The following HTN1 variants were observed in gnomAD, a reference collection of about 807,000 sequenced individuals.
HTN1 encodes histatin 1.
HTN1 carries 18 observed loss-of-function variants against 11.2 expected under a neutral mutation model. That is an observed-to-expected ratio of 1.61 (90% CI 1.12 to 2.39). HTN1 has a LOEUF of 2.39. HTN1 is among the 30% of genes most tolerant of loss of function. The probability of loss-of-function intolerance (pLI) is 0.00; values close to 1 mark genes in which losing one functional copy is unlikely to be tolerated. For synonymous variants in HTN1, 21 were observed against 20.5 expected, an observed-to-expected ratio of 1.02 and a Z score of -0.07; for missense variants, 80 against 67.2, an observed-to-expected ratio of 1.19 and a Z score of -0.67.
chr4:70,051,480 A>G (rs979532907), intron 1 of HTN1, among the ~76,000 whole-genome samples: 1 of 152,110 alleles, frequency 6.6e-6, no homozygotes, highest in African/African-American at 2.4e-5. Flanking sequence ...ATGTTCGTTT[A>G]TCTATCAGTT....
At chr4:70,051,614 T>C (rs1207394623) in intron 1 of HTN1, among the ~76,000 whole-genome samples, 1 of 152,100 alleles carries the variant, frequency 6.6e-6, no homozygotes, top group Non-Finnish European at 1.5e-5. Flanking sequence ...AGAGTTGTAG[T>C]AGGATTTATA....
intron 2 of HTN1, 80 bp from the exon 3 acceptor site, chr4:70,054,242 T>G: frequency 1.1e-6 from 1 of 879,250 alleles, no homozygotes; most frequent in Middle Eastern, 3.4e-4. Context: ...ATCATATATG[T>G]GGCTAAGTCA....
intron 5 of HTN1, chr4:70,058,133 G>T (rs1726089439): frequency 6.6e-6 from 1 of 152,118 alleles, no homozygotes; most frequent in African/African-American, 2.4e-5. Context: ...TTCAAAAGGT[G>T]TCAAATATTT....
At chr4:70,057,824 A>G (rs1164445107) in intron 5 of HTN1, 2 of 152,130 alleles carry the variant, frequency 1.3e-5, no homozygotes, top group Non-Finnish European at 2.9e-5. Context: ...CTAAAATGAA[A>G]TCTTTGAAGA....
chr4:70,053,116 A>G lies in HTN1; in HGVS notation c.40A>G (p.Ile14Val), dbSNP rs1725940613. The change falls in exon 2 of 6, where the codon ATT becomes GTT. Residue 14 changes from isoleucine to valine, a missense_variant. Transcript: ENST00000246896. ...FVFALVLALM[I>V]SMISADSHEK... is the part of the protein sequence containing the mutation. ...CTTTGCTTTAGTCTTGGCTCTCATG[A>G]TTTCCATGATTGTAAGTATATCTGG... 1 of 1,605,034 alleles carries G rather than the reference A, an allele frequency of 6.2e-7. No individual in the cohort carries two copies. The highest frequency in any genetic ancestry group is 1.3e-5 in the African/African-American group (1 of 74,702).
intron 5 of HTN1, chr4:70,057,765 C>T (rs1234308005): frequency 6.6e-6 from 1 of 152,144 alleles, no homozygotes; most frequent in Non-Finnish European, 1.5e-5. Flanking sequence ...TGGCCATAGG[C>T]TTCTCTGCCA....
chr4:70,051,737 C>A (rs556136437), intron 1 of HTN1, among the ~76,000 whole-genome samples: 1 of 151,924 alleles, frequency 6.6e-6, no homozygotes, highest in Non-Finnish European at 1.5e-5. Context: ...ATGGTAAATG[C>A]CATAAATCTT....
rs10008606 is a variant in HTN1 at position 70,054,491 on chromosome 4, C to A, written c.102+41C>A. On this transcript the variant is annotated intron_variant, in intron 4 of 5. Coordinates refer to ENST00000246896, the MANE Select transcript of HTN1 (RefSeq NM_002159.4). ...ATAATGTGCACTCTAAATAAATTTT[C>A]CTCTCTGACTATTTATTCTCCTAGA... 3.1e-3 allele frequency: 3,873 copies of A among 1,261,908 alleles called. 86 individuals carry two copies. The African/African-American group carries it at 0.051, about 17-fold the overall frequency. 78.2% of individuals were successfully genotyped at this position (1,261,908 alleles called of 1,614,324 possible).
rs115244710 is a variant in HTN1, at chr4:70,053,005, T to C, written c.-13-59T>C. On this transcript the variant is annotated intron_variant, in intron 1 of 5. Coordinates refer to ENST00000246896, the MANE Select transcript of HTN1 (RefSeq NM_002159.4). Reference sequence around the variant, plus strand: ...TGAAGCATAGTGTCATCAATAGAAGTTTGATGAATGAATGCATGAAAGAAT... The same window carrying C: ...TGAAGCATAGTGTCATCAATAGAAGCTTGATGAATGAATGCATGAAAGAAT... 1.5e-3 allele frequency: 1,529 copies of C among 1,015,824 alleles called. 16 individuals are homozygous for C. In the African/African-American group the frequency reaches 0.021, roughly 14 times the overall value. 62.9% of individuals were successfully genotyped at this position (1,015,824 alleles called of 1,614,324 possible). A position where few individuals can be genotyped will look rare whatever the true frequency, so the allele number is the denominator to read the frequency against.
intron 1 of HTN1, among the ~76,000 whole-genome samples, chr4:70,050,993 C>T (rs539213806): frequency 1.3e-5 from 2 of 152,208 alleles, no homozygotes; most frequent in South Asian, 2.1e-4. Flanking sequence ...TTAACACCAG[C>T]AATCATCACG....
rs201361495 is a variant in HTN1 at position 70,054,348 on chromosome 4, A to C, written c.72+6A>C. The C allele has an allele frequency of 1.1e-4, 164 of 1,539,034 alleles. 2 individuals carry two copies. In the East Asian group the frequency reaches 3.3e-3, roughly 30 times the overall value. The stretch of plus-strand genomic sequence containing the variant: ...GCGCTGATTCACATGAAAAGGTAAG[A>C]CATTTTCATTTACGGGAAAACTTGA... On this transcript the variant is annotated splice_donor_region_variant and intron_variant, in intron 3 of 5. Coordinates refer to ENST00000246896, the MANE Select transcript of HTN1 (RefSeq NM_002159.4).
intron 2 of HTN1, among the ~76,000 whole-genome samples, chr4:70,053,795 GAAT>G (rs1725959623): frequency 6.6e-6 from 1 of 151,852 alleles, no homozygotes; most frequent in Non-Finnish European, 1.5e-5. Flanking sequence ...GGTCACAAAA[GAAT>G]AATAATACTC....
At chr4:70,057,811 G>C (rs938468565) in intron 5 of HTN1, 14 of 152,106 alleles carry the variant, frequency 9.2e-5, no homozygotes, top group Non-Finnish European at 1.3e-4. Context: ...GAAGTTTTCT[G>C]TCCTAAAATG....
chr4:70,058,425 TTTAA>T (rs1317191702), intron 5 of HTN1, 151 bp from the exon 6 acceptor site: 14 of 152,266 alleles, frequency 9.2e-5, no homozygotes, highest in South Asian at 6.2e-4. Flanking sequence ...TTAATGAGTA[TTTAA>T]TTGTCTACTC....
chr4:70,052,203 C>T (rs184341216), intron 1 of HTN1, among the ~76,000 whole-genome samples: 107 of 152,206 alleles, frequency 7.0e-4, no homozygotes, highest in Admixed American at 2.0e-3. Context: ...TTTTATTTTT[C>T]GCTACCCAAT....
chr4:70,055,560 T>A lies in HTN1; in HGVS notation c.165T>A (p.Tyr55Ter). The A allele has an allele frequency of 6.4e-7, 1 of 1,554,370 alleles. No homozygotes were observed. The highest frequency in any genetic ancestry group is 8.9e-7 in the Non-Finnish European group (1 of 1,126,598). ...FYGDYGSNYL[Y>*]DN is the part of the protein sequence containing the mutation. The stretch of plus-strand genomic sequence containing the variant: ...GGGACTATGGATCAAATTATCTATA[T>A]GACAATTGATATCCTTAGTAATCAT... Residue 55 changes from tyrosine to a stop codon, truncating the protein, a stop_gained, in exon 5 of 6, where the codon TAT becomes TAA. Coordinates refer to ENST00000246896, the MANE Select transcript of HTN1 (RefSeq NM_002159.4). LOFTEE classifies it high-confidence loss of function.
chr4:70,053,111 T>C lies in HTN1; in HGVS notation c.35T>C (p.Leu12Pro), dbSNP rs750977055. The C allele has an allele frequency of 3.1e-6, 5 of 1,608,364 alleles. No homozygotes were observed. In the South Asian group the frequency reaches 3.3e-5, roughly 11 times the overall value. The change falls in exon 2 of 6, where the codon CTC (leucine) becomes CCC (proline). Residue 12 changes from leucine (L) to proline (P), a missense_variant. Physicochemically the swap from Leu to Pro is moderately conservative, Grantham distance 98 (BLOSUM62 -3). Coordinates refer to ENST00000246896, the MANE Select transcript of HTN1 (RefSeq NM_002159.4). ...KFFVFALVLA[L>P]MISMISADSH... is the part of the protein sequence containing the mutation. ...TTTGTCTTTGCTTTAGTCTTGGCTC[T>C]CATGATTTCCATGATTGTAAGTATA...
At chr4:70,055,415 C>T (rs560233461) in intron 4 of HTN1, 83 bp from the exon 5 acceptor site, 3 of 973,610 alleles carry the variant, frequency 3.1e-6, no homozygotes, top group South Asian at 2.7e-5. Flanking sequence ...GCAATCTAAG[C>T]TTTTAATGAC....
intron 1 of HTN1, among the ~76,000 whole-genome samples, chr4:70,051,278 T>G (rs1291586276): frequency 6.6e-6 from 1 of 152,160 alleles, no homozygotes; most frequent in Non-Finnish European, 1.5e-5. Context: ...TTCCATCATT[T>G]AAAACAGTGC....
Sources: allele counts gnomAD v4.1 joint callset (sites outside exome capture counted in the v4.1 genomes callset), GRCh38; gene constraint gnomAD v4.1.1; transcripts MANE v1.5; gene names NCBI Gene and HGNC (gene_info 2026-07-23, HGNC 2026-07-21).